PEAK1: variants seen among roughly 807,000 people sequenced by gnomAD.
PEAK1 encodes inactive tyrosine-protein kinase PEAK1.
A neutral mutation model predicts 124.7 loss-of-function variants in PEAK1; 54 were observed. The ratio of observed to expected loss-of-function variants is 0.43; its 90% CI spans 0.35 to 0.54. The LOEUF (loss-of-function observed/expected upper bound fraction) is 0.54. PEAK1 is among the 20% of genes least tolerant of loss of function. The probability of loss-of-function intolerance (pLI) is 0.01; values close to 1 mark genes in which losing one functional copy is unlikely to be tolerated. For missense variants in PEAK1, 2,046 were observed against 2,134.5 expected (o/e 0.96, Z 0.82); for synonymous variants, 719 against 760.0 (o/e 0.95, Z 0.89).
intron 6 of PEAK1, among the ~76,000 whole-genome samples, chr15:77,248,724 C>T (rs1411980824): frequency 6.6e-5 from 10 of 152,112 alleles, no homozygotes; most frequent in Admixed American, 6.5e-4. Context: ...AGTTTAGGCC[C>T]AATGGACTAA....
chr15:77,159,121 A>G (rs1213610627), intron 7 of PEAK1, among the ~76,000 whole-genome samples: 1 of 152,174 alleles, frequency 6.6e-6, no homozygotes, highest in Admixed American at 6.5e-5. Context: ...GTTTTAATTT[A>G]TATATAGTAT....
chr15:77,203,570 G>C (rs901920864), intron 6 of PEAK1, among the ~76,000 whole-genome samples: 4 of 151,994 alleles, frequency 2.6e-5, no homozygotes, highest in Non-Finnish European at 4.4e-5. Context: ...ACTGGCAAAA[G>C]AACAGACAAA....
chr15:77,172,794 C>G (rs1015963442), intron 7 of PEAK1, among the ~76,000 whole-genome samples: 1 of 152,112 alleles, frequency 6.6e-6, no homozygotes, highest in African/African-American at 2.4e-5. Context: ...ACCCTGTCAC[C>G]CAGGTTGGAG....
chr15:77,394,018 G>A (rs971044294), intron 1 of PEAK1, among the ~76,000 whole-genome samples: 1 of 152,176 alleles, frequency 6.6e-6, no homozygotes, highest in African/African-American at 2.4e-5. Context: ...GGACAATGAT[G>A]GCCATGGGGA....
Position 77,165,269 on chromosome 15 carries a change from A to C in PEAK1, c.3138-6573T>G, listed in dbSNP as rs1169130157. 2.0e-5 allele frequency among the ~76,000 whole-genome samples: 3 copies of C among 146,708 alleles called. No individual in the cohort carries two copies. The East Asian group carries it at 6.0e-4, about 29-fold the overall frequency. ...GAGTGCAGTGGCACGAACTCAGCTC[A>C]CTGCAACCTCTGCCTCCCGGGTTCA... On this transcript the variant is annotated intron_variant, in intron 7 of 9. Coordinates refer to ENST00000682557, the MANE Select transcript of PEAK1 (RefSeq NM_001385026.1).
intron 5 of PEAK1, among the ~76,000 whole-genome samples, chr15:77,261,320 C>T (rs2061427068): frequency 6.6e-6 from 1 of 152,156 alleles, no homozygotes; most frequent in Non-Finnish European, 1.5e-5. Flanking sequence ...GATCAAACTA[C>T]TCCAAGCTAA....
chr15:77,141,178 A>G (rs911366782), intron 8 of PEAK1, among the ~76,000 whole-genome samples: 1 of 152,244 alleles, frequency 6.6e-6, no homozygotes, highest in Admixed American at 6.5e-5. Context: ...ATTAGAATGA[A>G]TATACCAGTT....
At chr15:77,362,115 T>G (rs1181042663) in intron 2 of PEAK1, among the ~76,000 whole-genome samples, 1 of 152,152 alleles carries the variant, frequency 6.6e-6, no homozygotes, top group Non-Finnish European at 1.5e-5. Context: ...CACAGTAAGA[T>G]GACCATAGTT....
intron 2 of PEAK1, chr15:77,352,929 ATGTAT>A: frequency 1.0e-6 from 1 of 985,384 alleles, no homozygotes; most frequent in South Asian, 4.7e-5. Context: ...AAATGAGCTA[ATGTAT>A]TGTACTGCTC....
At chr15:77,104,637 AT>A (rs1305292056), downstream of PEAK1, 2 of 152,144 alleles carry the variant, frequency 1.3e-5, no homozygotes, top group Non-Finnish European at 2.9e-5. Context: ...CAGCAATTGG[AT>A]TTTTCTTCTT....
Position 77,350,199 on chromosome 15 carries a change from T to C in PEAK1, c.-603+14964A>G, listed in dbSNP as rs975016098. On this transcript the variant is annotated intron_variant, in intron 2 of 9. Coordinates refer to ENST00000682557, the MANE Select transcript of PEAK1 (RefSeq NM_001385026.1). ...CAACTACTAACTGGCAACACTGTTG[T>C]TGGGTAGGTGAGAACACAAAAGAAC... 6.5e-5 allele frequency: 64 copies of C among 985,416 alleles called. No individual in the cohort carries two copies. The African/African-American group carries it at 9.4e-4, about 14-fold the overall frequency. The allele number at this position is 985,416 out of a possible 1,614,324, so 61.0% of individuals were successfully genotyped here.
intron 2 of PEAK1, among the ~76,000 whole-genome samples, chr15:77,317,146 T>C (rs917524394): frequency 2.0e-5 from 3 of 151,850 alleles, no homozygotes; most frequent in Non-Finnish European, 2.9e-5. Context: ...GTTTCAATAA[T>C]AACAAAAGCT....
At chr15:77,350,955 C>T (rs1343201269) in intron 2 of PEAK1, 18 of 985,056 alleles carry the variant, frequency 1.8e-5, no homozygotes, top group Non-Finnish European at 2.0e-5. Context: ...CCATTAATTA[C>T]ACTCTTCATT....
At chr15:77,210,030 T>C (rs1249229966) in intron 6 of PEAK1, among the ~76,000 whole-genome samples, 1 of 152,214 alleles carries the variant, frequency 6.6e-6, no homozygotes, top group South Asian at 2.1e-4. Flanking sequence ...GTTACTTATG[T>C]CTTTGAACTT....
chr15:77,403,548 TTAGA>T, intron 1 of PEAK1: 6 of 972,724 alleles, frequency 6.2e-6, no homozygotes, highest in Non-Finnish European at 7.3e-6. Context: ...GCATATTTAT[TTAGA>T]AAGTTCTTTC....
chr15:77,286,447 G>T lies in PEAK1; in HGVS notation c.-545C>A. 8.1e-7 allele frequency: 1 copy of T among 1,228,648 alleles called. No individual in the cohort carries two copies. Among genetic ancestry groups the T allele is most frequent in the Non-Finnish European group, 1.0e-6 (1 of 985,434 alleles). The allele number at this position is 1,228,648 out of a possible 1,614,324, so 76.1% of individuals were successfully genotyped here. ...CCTGGTTTAATTGGCTCCAACTCTGGGCATTATGTTGTTGCTTCCTTTTCT... is the reference window on the plus strand; with the variant it reads ...CCTGGTTTAATTGGCTCCAACTCTGTGCATTATGTTGTTGCTTCCTTTTCT... On this transcript the variant is annotated 5_prime_UTR_variant, in exon 3 of 10. Transcript: ENST00000682557.
chr15:77,245,386 C>T (rs144908581), intron 6 of PEAK1, among the ~76,000 whole-genome samples: 75 of 151,806 alleles, frequency 4.9e-4, no homozygotes, highest in African/African-American at 1.7e-3. Context: ...GGATGTCTAA[C>T]TCTTCTTGTA....
At chr15:77,239,919 T>A in intron 6 of PEAK1, 1 of 792,448 alleles carries the variant, frequency 1.3e-6, no homozygotes, top group Non-Finnish European at 1.5e-6. Context: ...CCTAATTATA[T>A]GTTTCTGTTT....
intron 5 of PEAK1, among the ~76,000 whole-genome samples, chr15:77,262,492 A>C (rs970431961): frequency 7.3e-5 from 11 of 151,522 alleles, no homozygotes; most frequent in Non-Finnish European, 1.5e-4. Context: ...TAAACCAATA[A>C]AGATCAAAAG....
Sources: gnomAD v4.1 joint callset for allele counts (sites outside exome capture counted in the v4.1 genomes callset) on GRCh38, gnomAD v4.1.1 for gene constraint, MANE v1.5 for transcripts, NCBI Gene and HGNC (gene_info 2026-07-23, HGNC 2026-07-21) for gene names.